Variants in CHKA observed in about 807,000 individuals in gnomAD.
CHKA encodes the protein choline kinase alpha, also known as CHETK-alpha.
A neutral mutation model predicts 60.1 loss-of-function variants in CHKA; 34 were observed. The ratio of observed to expected loss-of-function variants is 0.57; its 90% CI spans 0.43 to 0.75. The LOEUF (loss-of-function observed/expected upper bound fraction) is 0.75, where lower values mean the gene tolerates loss of function less well. Ranked by LOEUF, CHKA falls within the 30% of genes least tolerant of loss-of-function variation. CHKA has a pLI of 0.00. For synonymous variants in CHKA, 217 were observed against 223.1 expected (o/e 0.97, Z 0.24); for missense variants, 563 against 561.3 (o/e 1.00, Z -0.03).
chr11:68,078,094 CCTTT>C (rs1856850235), intron 3 of CHKA, among the ~76,000 whole-genome samples: 1 of 152,112 alleles, frequency 6.6e-6, no homozygotes, highest in Non-Finnish European at 1.5e-5. Flanking sequence ...CTTAAAATGC[CCTTT>C]CTTATGTGAC....
intron 2 of CHKA, among the ~76,000 whole-genome samples, chr11:68,084,902 A>C (rs1199825133): frequency 6.6e-6 from 1 of 152,146 alleles, no homozygotes; most frequent in Non-Finnish European, 1.5e-5. Flanking sequence ...CATAATAAAA[A>C]CTTTTAAAAA....
intron 3 of CHKA, among the ~76,000 whole-genome samples, chr11:68,079,676 T>C (rs1004930066): frequency 6.6e-6 from 1 of 152,140 alleles, no homozygotes; most frequent in Admixed American, 6.5e-5. Context: ...AAAATTGGTA[T>C]GAAATAAAAG....
chr11:68,061,925 A>C (rs756056425), intron 11 of CHKA, 28 bp downstream of exon 11: 9 of 1,506,008 alleles, frequency 6.0e-6, no homozygotes, highest in South Asian at 1.3e-5. Flanking sequence ...GGAAGAAAAA[A>C]AAAAACAAAA....
At chr11:68,114,361 A>C (rs1257881672) in intron 1 of CHKA, among the ~76,000 whole-genome samples, 1 of 152,226 alleles carries the variant, frequency 6.6e-6, no homozygotes, top group Non-Finnish European at 1.5e-5. Context: ...AGATGACAGA[A>C]TACTACTGAG....
chr11:68,112,513 T>C (rs1289458346), intron 1 of CHKA, among the ~76,000 whole-genome samples: 1 of 152,060 alleles, frequency 6.6e-6, no homozygotes, highest in African/African-American at 2.4e-5. Context: ...ACCCATCTTG[T>C]CCTCCCCAAG....
intron 1 of CHKA, among the ~76,000 whole-genome samples, chr11:68,112,083 T>G (rs1314652252): frequency 1.6e-5 from 1 of 63,354 alleles, no homozygotes; most frequent in Non-Finnish European, 2.9e-5. Context: ...AAAAAAGTCC[T>G]GGAACAACGG....
chr11:68,054,207 G>C (rs1023694646), intron 11 of CHKA, among the ~76,000 whole-genome samples, 160 bp from the exon 12 acceptor site: 1 of 152,126 alleles, frequency 6.6e-6, no homozygotes, highest in Non-Finnish European at 1.5e-5. Context: ...CGGGGGCCTC[G>C]CTGCTCTACA....
chr11:68,072,091 A>G (rs1241390543), intron 4 of CHKA, among the ~76,000 whole-genome samples: 2 of 152,250 alleles, frequency 1.3e-5, no homozygotes, highest in Non-Finnish European at 2.9e-5. Flanking sequence ...TGAAGCTAAC[A>G]TGCTCAGATA....
intron 4 of CHKA, among the ~76,000 whole-genome samples, chr11:68,074,130 G>C (rs1364008323): frequency 6.6e-6 from 1 of 152,148 alleles, no homozygotes; most frequent in Non-Finnish European, 1.5e-5. Flanking sequence ...TGGTATACTG[G>C]TAAATGTTAC....
At chr11:68,109,114 G>A (rs1319292300) in intron 1 of CHKA, among the ~76,000 whole-genome samples, 5 of 125,440 alleles carry the variant, frequency 4.0e-5, no homozygotes, top group African/African-American at 1.5e-4. Context: ...TTTTGAGACA[G>A]AGTCTCGCTC....
intron 3 of CHKA, 116 bp downstream of exon 3, chr11:68,081,288 A>C: frequency 1.3e-6 from 1 of 766,358 alleles, no homozygotes; most frequent in Non-Finnish European, 2.2e-6. Flanking sequence ...CCTCGTAGAA[A>C]GATAGATCAG....
intron 1 of CHKA, among the ~76,000 whole-genome samples, chr11:68,109,389 T>G (rs1040697081): frequency 3.3e-5 from 5 of 151,950 alleles, no homozygotes; most frequent in African/African-American, 1.2e-4. Context: ...GAGCCCGGCC[T>G]CTTATATTTT....
intron 1 of CHKA, among the ~76,000 whole-genome samples, chr11:68,113,765 C>G (rs1300135455): frequency 2.6e-5 from 4 of 151,908 alleles, no homozygotes; most frequent in Non-Finnish European, 5.9e-5. Flanking sequence ...GAGGCCGAGG[C>G]AGGTGGATCA....
chr11:68,084,311 C>T (rs11824199), intron 2 of CHKA, among the ~76,000 whole-genome samples: 86,663 of 135,652 alleles, frequency 0.64, 27,875 homozygotes, highest in Middle Eastern at 0.74. Context: ...TGTGTATATA[C>T]ATGTGTATAT....
At chr11:68,102,836 A>T (rs1325253850) in intron 1 of CHKA, among the ~76,000 whole-genome samples, 1 of 152,238 alleles carries the variant, frequency 6.6e-6, no homozygotes, top group Non-Finnish European at 1.5e-5. Flanking sequence ...CAAGGAACTC[A>T]CAGCAAAGAA....
chr11:68,106,134 G>C (rs1191511268), intron 1 of CHKA, among the ~76,000 whole-genome samples: 1 of 152,194 alleles, frequency 6.6e-6, no homozygotes, highest in Non-Finnish European at 1.5e-5. Context: ...TCAAATTGCA[G>C]CTATGGCTCA....
intron 1 of CHKA, among the ~76,000 whole-genome samples, chr11:68,102,310 T>C (rs938067882): frequency 2.0e-5 from 3 of 152,062 alleles, no homozygotes; most frequent in African/African-American, 7.2e-5. Context: ...CTTCAACATA[T>C]ACTACAAAGT....
intron 1 of CHKA, among the ~76,000 whole-genome samples, chr11:68,097,830 A>T (rs1857564496): frequency 6.6e-6 from 1 of 152,052 alleles, no homozygotes; most frequent in African/African-American, 2.4e-5. Context: ...GAAACAGGAG[A>T]CCTCAATACT....
chr11:68,059,870 G>A (rs778745621), intron 11 of CHKA, among the ~76,000 whole-genome samples: 8 of 152,260 alleles, frequency 5.3e-5, no homozygotes, highest in Admixed American at 2.6e-4. Flanking sequence ...TTGCTGGGGG[G>A]TTTAATGAAC....
Sources: gnomAD v4.1 joint callset for allele counts (sites outside exome capture counted in the v4.1 genomes callset) on GRCh38, gnomAD v4.1.1 for gene constraint, MANE v1.5 for transcripts, NCBI Gene and HGNC (gene_info 2026-07-23, HGNC 2026-07-21) for gene names.